SGCZ: variants seen among roughly 807,000 people sequenced by gnomAD.
SGCZ encodes the protein sarcoglycan zeta.
SGCZ carries 40 observed loss-of-function variants against 41.3 expected under a neutral mutation model. That is an observed-to-expected ratio of 0.97 (90% CI 0.75 to 1.26). The LOEUF is 1.26. Ranked by LOEUF, SGCZ falls within the 50% of genes most tolerant of loss-of-function variation. The pLI is 0.00. For synonymous variants in SGCZ, 206 were observed against 137.5 expected (o/e 1.50, Z -3.49); for missense variants, 552 against 369.8 (o/e 1.49, Z -4.04).
chr8:15,063,944 A>C (rs1805031911), intron 1 of SGCZ, among the ~76,000 whole-genome samples: 1 of 152,308 alleles, frequency 6.6e-6, no homozygotes, highest in South Asian at 2.1e-4. Context: ...TACACATCAC[A>C]CACAAAAATG....
At chr8:14,524,979 C>T (rs968078836) in intron 2 of SGCZ, among the ~76,000 whole-genome samples, 1 of 152,058 alleles carries the variant, frequency 6.6e-6, no homozygotes, top group Non-Finnish European at 1.5e-5. Context: ...TTTCAAGTGT[C>T]TCTTTGCCTC....
At chr8:14,677,857 G>C (rs1161995900) in intron 1 of SGCZ, among the ~76,000 whole-genome samples, 1 of 152,160 alleles carries the variant, frequency 6.6e-6, no homozygotes, top group African/African-American at 2.4e-5. Flanking sequence ...TAACATTGAA[G>C]GAGGAGAACG....
intron 3 of SGCZ, among the ~76,000 whole-genome samples, chr8:14,297,176 G>A (rs1030239539): frequency 2.0e-5 from 3 of 152,014 alleles, no homozygotes; most frequent in Non-Finnish European, 4.4e-5. Context: ...GCCCACCTCG[G>A]CCTCCAAAAG....
chr8:14,177,046 A>G (rs879539785), intron 4 of SGCZ, among the ~76,000 whole-genome samples: 10 of 152,240 alleles, frequency 6.6e-5, no homozygotes, highest in Non-Finnish European at 1.3e-4. Context: ...TGGTATACAG[A>G]CAAGGATCGT....
At chr8:15,059,376 T>A (rs1396706522) in intron 1 of SGCZ, among the ~76,000 whole-genome samples, 1 of 152,212 alleles carries the variant, frequency 6.6e-6, no homozygotes, top group Non-Finnish European at 1.5e-5. Context: ...AGAGCGGATA[T>A]GTCATTAAAA....
At chr8:15,153,625 C>A (rs760121919) in intron 1 of SGCZ, among the ~76,000 whole-genome samples, 4 of 152,006 alleles carry the variant, frequency 2.6e-5, no homozygotes, top group African/African-American at 4.8e-5. Flanking sequence ...AGCTCTCGCT[C>A]TGAGTTCTGG....
intron 1 of SGCZ, among the ~76,000 whole-genome samples, chr8:14,955,641 A>G (rs1015149776): frequency 6.6e-6 from 1 of 152,232 alleles, no homozygotes; most frequent in Non-Finnish European, 1.5e-5. Context: ...CCTAGTTACT[A>G]AAAAGGTTGA....
rs1382069776 is a variant in SGCZ, at chr8:15,238,333, AAG to A, written c.-712_-711del. The A allele has an allele frequency of 6.6e-6, 1 of 152,182 alleles. No individual in the cohort carries two copies. The highest frequency in any genetic ancestry group is 2.4e-5 in the African/African-American group (1 of 41,422). 9.4% of individuals were successfully genotyped at this position (152,182 alleles called of 1,614,324 possible). On this transcript the variant is annotated 5_prime_UTR_variant, in exon 1 of 8. Transcript: ENST00000382080. ...CAACGGAGAGAAAAAGAGGGAGAGA[AAG>A]AGAGAGGGAGAGAAAAATTTTCCTC...
At chr8:14,881,713 G>C (rs942474434) in intron 1 of SGCZ, among the ~76,000 whole-genome samples, 6 of 152,144 alleles carry the variant, frequency 3.9e-5, no homozygotes, top group Admixed American at 3.9e-4. Context: ...CCTGAACTCA[G>C]CTCCAGATCA....
At chr8:15,148,885 A>G (rs1235809201) in intron 1 of SGCZ, among the ~76,000 whole-genome samples, 1 of 152,228 alleles carries the variant, frequency 6.6e-6, no homozygotes, top group Non-Finnish European at 1.5e-5. Context: ...ATAGTCGACA[A>G]AAGACTGACT....
chr8:14,557,579 T>A (rs1380110772), intron 1 of SGCZ, among the ~76,000 whole-genome samples: 1 of 152,134 alleles, frequency 6.6e-6, no homozygotes, highest in African/African-American at 2.4e-5. Flanking sequence ...AAGTCCTTGA[T>A]CCATCTTGAG....
intron 2 of SGCZ, among the ~76,000 whole-genome samples, chr8:14,376,404 G>C (rs942983474): frequency 1.3e-5 from 2 of 152,198 alleles, no homozygotes; most frequent in East Asian, 1.9e-4. Context: ...ACTTTATTTT[G>C]AACACTGTAT....
intron 1 of SGCZ, among the ~76,000 whole-genome samples, chr8:15,172,357 T>G (rs886411738): frequency 2.6e-5 from 4 of 151,228 alleles, no homozygotes; most frequent in African/African-American, 7.3e-5. Flanking sequence ...AGACGGGGTT[T>G]CACCGTGTCA....
At chr8:15,024,976 T>C (rs553059730) in intron 1 of SGCZ, among the ~76,000 whole-genome samples, 2 of 126,332 alleles carry the variant, frequency 1.6e-5, no homozygotes, top group South Asian at 2.5e-4. Context: ...ATAAATAATA[T>C]AGTGGTTGAA....
chr8:14,950,442 T>C (rs918461582), intron 1 of SGCZ, among the ~76,000 whole-genome samples: 51 of 151,954 alleles, frequency 3.4e-4, no homozygotes, highest in African/African-American at 1.2e-3. Flanking sequence ...CCTTCTCTTC[T>C]GCTCTTCTTC....
chr8:14,651,642 C>G (rs1807401860), intron 1 of SGCZ, among the ~76,000 whole-genome samples: 1 of 152,020 alleles, frequency 6.6e-6, no homozygotes, highest in African/African-American at 2.4e-5. Context: ...TGCACATGGA[C>G]AATTTTTATG....
At chr8:14,467,155 G>C (rs1801074165) in intron 2 of SGCZ, among the ~76,000 whole-genome samples, 1 of 151,750 alleles carries the variant, frequency 6.6e-6, no homozygotes. Flanking sequence ...AGTCATTTCT[G>C]AAACTGTGAC....
chr8:14,830,400 T>G lies in SGCZ; in HGVS notation c.40-275474A>C, dbSNP rs180981778. 2.0e-3 allele frequency among the ~76,000 whole-genome samples: 298 copies of G among 152,336 alleles called. 1 individual carries two copies. Among genetic ancestry groups the G allele is most frequent in the African/African-American group, 6.6e-3 (276 of 41,578 alleles). On this transcript the variant is annotated intron_variant, in intron 1 of 7. Transcript: ENST00000382080. ...CAATATGTTTTTTAGCATTAAATAT[T>G]GTCAATTTTTACAATTATTACAGTT... is the stretch of plus-strand genomic sequence containing the variant.
chr8:14,389,083 G>C (rs1804671113), intron 2 of SGCZ, among the ~76,000 whole-genome samples: 1 of 152,010 alleles, frequency 6.6e-6, no homozygotes, highest in East Asian at 1.9e-4. Context: ...ATGAAAAATA[G>C]ATTCATTCAT....
Sources: gnomAD v4.1 joint callset for allele counts (sites outside exome capture counted in the v4.1 genomes callset) on GRCh38, gnomAD v4.1.1 for gene constraint, MANE v1.5 for transcripts, NCBI Gene and HGNC (gene_info 2026-07-23, HGNC 2026-07-21) for gene names.